NOL4: variants seen among roughly 807,000 people sequenced by gnomAD.
NOL4 encodes the protein cancer/testis antigen 125.
In NOL4, 17 loss-of-function variants were observed where a neutral mutation model predicts 75.9. The ratio of observed to expected loss-of-function variants is 0.22; its 90% CI spans 0.15 to 0.34. NOL4 has a LOEUF of 0.34. NOL4 is among the 10% of genes least tolerant of loss of function. The probability of loss-of-function intolerance (pLI) is 1.00; values close to 1 mark genes in which losing one functional copy is unlikely to be tolerated. For missense variants in NOL4, 614 were observed against 793.5 expected (o/e 0.77, Z 2.72); for synonymous variants, 292 against 289.9 (o/e 1.01, Z -0.07).
chr18:34,162,265 C>A (rs1055943040), intron 1 of NOL4, among the ~76,000 whole-genome samples: 6 of 151,892 alleles, frequency 4.0e-5, no homozygotes, highest in Non-Finnish European at 5.9e-5. Context: ...AATAGAGACA[C>A]AAAAAACCCT....
chr18:33,928,482 A>G (rs1027848281), intron 9 of NOL4, among the ~76,000 whole-genome samples: 7 of 152,178 alleles, frequency 4.6e-5, no homozygotes, highest in Admixed American at 4.6e-4. Context: ...ACTTCTTGAA[A>G]AAAACCAGAG....
At chr18:33,862,293 G>A (rs1225677030) in intron 10 of NOL4, among the ~76,000 whole-genome samples, 3 of 152,034 alleles carry the variant, frequency 2.0e-5, no homozygotes, top group Non-Finnish European at 4.4e-5. Flanking sequence ...AGACTTAAAC[G>A]TTAGACCTAA....
rs983123778 is a variant in NOL4 at position 33,873,700 on chromosome 18, T to C, written c.1723+9544A>G. Among the ~76,000 whole-genome samples the C allele has an allele frequency of 1.3e-5, 2 of 152,024 alleles. 1 individual carries two copies. Among genetic ancestry groups the C allele is most frequent in the African/African-American group, 4.8e-5 (2 of 41,426 alleles). ...TTTCACTCAGTCATTCATCTATCCATTTAATATTTATTGAACACTCATATA... is the reference window on the plus strand; with the variant it reads ...TTTCACTCAGTCATTCATCTATCCACTTAATATTTATTGAACACTCATATA... On this transcript the variant is annotated intron_variant, in intron 10 of 10. Coordinates refer to ENST00000261592, the MANE Select transcript of NOL4 (RefSeq NM_003787.5).
chr18:34,224,005 G>C lies in NOL4; in HGVS notation c.-752C>G, dbSNP rs1216265711. On this transcript the variant is annotated 5_prime_UTR_variant, in exon 1 of 11. Coordinates refer to ENST00000261592, the MANE Select transcript of NOL4 (RefSeq NM_003787.5). ...AATGTCATTTCTTCAGATGCATTTT[G>C]AATAAATTCCAGCCCTGTATGTAGA... is the stretch of plus-strand genomic sequence containing the variant. The C allele has an allele frequency of 6.6e-6, 1 of 152,242 alleles. No homozygotes were observed. Among genetic ancestry groups the C allele is most frequent in the Admixed American group, 6.5e-5 (1 of 15,288 alleles). 9.4% of individuals were successfully genotyped at this position (152,242 alleles called of 1,614,324 possible). A position where few individuals can be genotyped will look rare whatever the true frequency, so the allele number is the denominator to read the frequency against.
chr18:34,110,128 C>CAAAAAA lies in NOL4; in HGVS notation c.415-4974_415-4969dup, dbSNP rs57576599. ...AACTCCTTCCATCCCCGCCCTCCCA[C>CAAAAAA]AAAAAAAAAAAAAAAAAAAAAAAAA... is the stretch of plus-strand genomic sequence containing the variant. On this transcript the variant is annotated intron_variant, in intron 2 of 10. Coordinates refer to ENST00000261592, the MANE Select transcript of NOL4 (RefSeq NM_003787.5). Among the ~76,000 whole-genome samples the CAAAAAA allele has an allele frequency of 5.9e-4, 28 of 47,860 alleles. 2 individuals carry two copies. The highest frequency in any genetic ancestry group is 9.8e-4 in the Non-Finnish European group (26 of 26,648). The allele number at this position is 47,860 out of a possible 152,430, so 31.4% of individuals were successfully genotyped here.
intron 6 of NOL4, among the ~76,000 whole-genome samples, chr18:34,015,222 C>T (rs1418356465): frequency 2.6e-5 from 4 of 151,960 alleles, no homozygotes; most frequent in African/African-American, 9.7e-5. Flanking sequence ...GGAAGAATCT[C>T]TAAAGTGAAA....
chr18:33,978,785 C>G (rs552728875), intron 6 of NOL4, among the ~76,000 whole-genome samples: 5 of 151,562 alleles, frequency 3.3e-5, no homozygotes, highest in Admixed American at 2.0e-4. Flanking sequence ...AATATAAATG[C>G]TATTTAAATA....
intron 6 of NOL4, among the ~76,000 whole-genome samples, chr18:33,992,248 G>T (rs963576035): frequency 2.0e-5 from 3 of 151,908 alleles, no homozygotes; most frequent in Non-Finnish European, 4.4e-5. Flanking sequence ...ATTCAAAATG[G>T]TGTAAGATAT....
At chr18:34,177,927 C>T (rs932160744) in intron 1 of NOL4, among the ~76,000 whole-genome samples, 10 of 151,900 alleles carry the variant, frequency 6.6e-5, no homozygotes, top group African/African-American at 2.4e-4. Context: ...ATAAAGACCT[C>T]TACTAATGGG....
chr18:34,073,784 A>G (rs1332669994), intron 5 of NOL4, among the ~76,000 whole-genome samples: 1 of 152,060 alleles, frequency 6.6e-6, no homozygotes, highest in Non-Finnish European at 1.5e-5. Flanking sequence ...CAATCAAATA[A>G]AAAACTAGGC....
chr18:34,162,994 T>G (rs994495800), intron 1 of NOL4, among the ~76,000 whole-genome samples: 1 of 152,316 alleles, frequency 6.6e-6, no homozygotes, highest in Admixed American at 6.5e-5. Context: ...TAAAATCACG[T>G]GATTATCTCA....
intron 1 of NOL4, among the ~76,000 whole-genome samples, chr18:34,143,665 G>A (rs1419880604): frequency 6.6e-6 from 1 of 151,806 alleles, no homozygotes; most frequent in Non-Finnish European, 1.5e-5. Context: ...TCAGCAGTTC[G>A]AGACCAGCCT....
intron 1 of NOL4, among the ~76,000 whole-genome samples, chr18:34,204,824 A>T (rs542738998): frequency 6.6e-6 from 1 of 152,250 alleles, no homozygotes; most frequent in African/African-American, 2.4e-5. Context: ...AAAAAGGAAG[A>T]AGAATTAAAT....
chr18:34,034,774 C>T (rs1425166088), intron 5 of NOL4, among the ~76,000 whole-genome samples: 1 of 151,018 alleles, frequency 6.6e-6, no homozygotes, highest in African/African-American at 2.4e-5. Context: ...ATAAACAATC[C>T]CAAAGTGAGC....
chr18:33,852,928 G>C lies in NOL4; in HGVS notation c.1831C>G (p.Gln611Glu). ...LSPTEINAVR[Q>E]LVAGYRESAA... is the part of the protein sequence containing the mutation. ...GATTCTCGATATCCTGCAACAAGCT[G>C]TCTCACGGCATTGATTTCAGTTGGA... Residue 611 changes from glutamine (Q) to glutamate (E), a missense_variant, in exon 11 of 11, where the codon CAG becomes GAG. Gln to Glu is a conservative substitution (Grantham distance 29). Transcript: ENST00000261592. 2 of 1,613,256 alleles carry C rather than the reference G, an allele frequency of 1.2e-6. No homozygotes were observed. Among genetic ancestry groups the C allele is most frequent in the Non-Finnish European group, 1.7e-6 (2 of 1,179,530 alleles).
chr18:33,943,988 T>C (rs1431981562), intron 8 of NOL4, among the ~76,000 whole-genome samples: 2 of 151,792 alleles, frequency 1.3e-5, no homozygotes, highest in Non-Finnish European at 1.5e-5. Flanking sequence ...CATAATTACA[T>C]GCAAAGTCAT....
chr18:33,917,930 G>GTGTTTA (rs2145225300), intron 9 of NOL4, among the ~76,000 whole-genome samples: 1 of 152,250 alleles, frequency 6.6e-6, no homozygotes, highest in East Asian at 1.9e-4. Flanking sequence ...CACATTTTAT[G>GTGTTTA]AACTGTGGGT....
chr18:34,142,171 T>C (rs2081196991), intron 1 of NOL4, among the ~76,000 whole-genome samples: 1 of 152,104 alleles, frequency 6.6e-6, no homozygotes, highest in African/African-American at 2.4e-5. Flanking sequence ...CATTAAAAAG[T>C]CAGGAAACAA....
intron 6 of NOL4, among the ~76,000 whole-genome samples, chr18:34,009,589 T>A (rs1333420944): frequency 6.6e-6 from 1 of 151,940 alleles, no homozygotes; most frequent in Non-Finnish European, 1.5e-5. Flanking sequence ...ATTATTATCA[T>A]CATTTTATTG....
Sources: gnomAD v4.1 joint callset for allele counts (sites outside exome capture counted in the v4.1 genomes callset) on GRCh38, gnomAD v4.1.1 for gene constraint, MANE v1.5 for transcripts, NCBI Gene and HGNC (gene_info 2026-07-23, HGNC 2026-07-21) for gene names.